Variants in WDR70 observed in about 807,000 individuals in gnomAD.
The protein encoded by WDR70 is WD repeat-containing protein 70.
A neutral mutation model predicts 88.6 loss-of-function variants in WDR70; 53 were observed. The ratio of observed to expected loss-of-function variants is 0.60; its 90% CI spans 0.48 to 0.75. The LOEUF (loss-of-function observed/expected upper bound fraction) is 0.75. Among genes scored for constraint, WDR70 ranks in the 30% least tolerant of loss-of-function variants. WDR70 has a pLI of 0.00. For missense variants in WDR70, 610 were observed against 823.2 expected, an observed-to-expected ratio of 0.74 and a Z score of 3.17; for synonymous variants, 280 against 270.0, an observed-to-expected ratio of 1.04 and a Z score of -0.36.
intron 17 of WDR70, among the ~76,000 whole-genome samples, chr5:37,750,881 G>A (rs1748787591): frequency 1.3e-5 from 2 of 152,150 alleles, no homozygotes. Flanking sequence ...CTAATACAGA[G>A]AATAACACCT....
intron 5 of WDR70, among the ~76,000 whole-genome samples, chr5:37,434,162 G>A (rs1040706350): frequency 6.6e-6 from 1 of 152,088 alleles, no homozygotes; most frequent in African/African-American, 2.4e-5. Flanking sequence ...GACAGAGTGC[G>A]ACATGCAAGC....
At chr5:37,414,936 G>GGCCTTCCT (rs1561843127) in intron 5 of WDR70, among the ~76,000 whole-genome samples, 2 of 146,996 alleles carry the variant, frequency 1.4e-5, no homozygotes, top group African/African-American at 5.4e-5. Context: ...GCGGCCTTCC[G>GGCCTTCCT]CAGTGTTTGT....
chr5:37,528,976 A>AG (rs2112299398), intron 9 of WDR70, among the ~76,000 whole-genome samples: 2 of 21,042 alleles, frequency 9.5e-5, no homozygotes, highest in African/African-American at 1.1e-4. Flanking sequence ...TAAATATTTG[A>AG]TCATTTTGAG....
chr5:37,604,809 C>G (rs1283292119), intron 9 of WDR70, among the ~76,000 whole-genome samples: 1 of 152,108 alleles, frequency 6.6e-6, no homozygotes. Context: ...TAACGTTGAT[C>G]GATTGGAAGT....
At chr5:37,720,987 T>C in intron 13 of WDR70, 128 bp from the exon 14 acceptor site, 1 of 750,908 alleles carries the variant, frequency 1.3e-6, no homozygotes, top group South Asian at 1.8e-5. Flanking sequence ...TAAAAGAAAA[T>C]GTCTGAAAGT....
intron 10 of WDR70, among the ~76,000 whole-genome samples, chr5:37,660,359 A>G (rs1745668471): frequency 6.6e-6 from 1 of 151,982 alleles, no homozygotes; most frequent in Non-Finnish European, 1.5e-5. Flanking sequence ...GCCTATATCT[A>G]TTGATTTTAT....
At chr5:37,531,163 T>C (rs1487729812) in intron 9 of WDR70, among the ~76,000 whole-genome samples, 1 of 152,196 alleles carries the variant, frequency 6.6e-6, no homozygotes, top group Non-Finnish European at 1.5e-5. Context: ...GAGTACTCGA[T>C]ATAATTTTGA....
intron 9 of WDR70, among the ~76,000 whole-genome samples, chr5:37,577,840 T>C (rs527277723): frequency 1.3e-5 from 2 of 152,266 alleles, no homozygotes; most frequent in African/African-American, 2.4e-5. Flanking sequence ...TGGCTGATAG[T>C]TGGAAATGTA....
chr5:37,690,131 A>G (rs922995696), intron 10 of WDR70, among the ~76,000 whole-genome samples: 2 of 152,238 alleles, frequency 1.3e-5, no homozygotes, highest in African/African-American at 4.8e-5. Context: ...GATCGCATTA[A>G]TGAAATAAAG....
chr5:37,654,345 A>G (rs1745492000), intron 10 of WDR70, among the ~76,000 whole-genome samples: 1 of 152,144 alleles, frequency 6.6e-6, no homozygotes, highest in Non-Finnish European at 1.5e-5. Flanking sequence ...GCATTTGCTG[A>G]GGAGTGTTTT....
chr5:37,386,971 C>A (rs148688320), intron 3 of WDR70, among the ~76,000 whole-genome samples: 4 of 151,954 alleles, frequency 2.6e-5, no homozygotes, highest in Non-Finnish European at 4.4e-5. Flanking sequence ...GGGTGGTGGG[C>A]ACCTGTAGTG....
At chr5:37,382,712 C>G (rs1748468811) in intron 3 of WDR70, among the ~76,000 whole-genome samples, 1 of 151,108 alleles carries the variant, frequency 6.6e-6, no homozygotes, top group Non-Finnish European at 1.5e-5. Context: ...CCCAATTTAT[C>G]ATTTTAAGAC....
In WDR70 at chr5:37,506,896, C is replaced by T. The variant is rs116027895; in HGVS notation, c.841-9618C>T. The T allele has an allele frequency of 1.4e-3, 1,396 of 1,023,472 alleles. 18 individuals are homozygous for T. In the African/African-American group the frequency reaches 0.019, roughly 14 times the overall value. 63.4% of individuals were successfully genotyped at this position (1,023,472 alleles called of 1,614,324 possible). On this transcript the variant is annotated intron_variant, in intron 8 of 17. Coordinates refer to ENST00000265107, the MANE Select transcript of WDR70 (RefSeq NM_018034.4). ...GGTGGGTCCTGAGTGAGCCACCACCCTCCCACTTGGTCCTCCTCCCACCTT... is the reference window on the plus strand; with the variant it reads ...GGTGGGTCCTGAGTGAGCCACCACCTTCCCACTTGGTCCTCCTCCCACCTT...
chr5:37,443,588 C>T (rs1738348519), intron 7 of WDR70, among the ~76,000 whole-genome samples: 1 of 152,174 alleles, frequency 6.6e-6, no homozygotes, highest in Non-Finnish European at 1.5e-5. Flanking sequence ...CGCGGTGGCT[C>T]ACACTTGTAA....
intron 3 of WDR70, among the ~76,000 whole-genome samples, chr5:37,383,829 C>T (rs1243025916): frequency 1.3e-5 from 2 of 151,956 alleles, no homozygotes; most frequent in Admixed American, 6.6e-5. Flanking sequence ...GTGATCCACT[C>T]GCCTTGGCCT....
intron 3 of WDR70, among the ~76,000 whole-genome samples, chr5:37,387,182 C>T (rs1011786372): frequency 2.6e-5 from 4 of 151,956 alleles, no homozygotes; most frequent in Non-Finnish European, 4.4e-5. Context: ...CCCAGCCCCA[C>T]AGTCTACTAG....
intron 9 of WDR70, among the ~76,000 whole-genome samples, chr5:37,536,343 C>A (rs1413023394): frequency 6.6e-6 from 1 of 151,892 alleles, no homozygotes; most frequent in Non-Finnish European, 1.5e-5. Flanking sequence ...ATATTTTTTT[C>A]TTAAAGTATG....
intron 10 of WDR70, among the ~76,000 whole-genome samples, chr5:37,672,743 G>C (rs1007775646): frequency 6.6e-6 from 1 of 152,078 alleles, no homozygotes; most frequent in African/African-American, 2.4e-5. Flanking sequence ...ACCAGTGCCG[G>C]TGCAGGTCCT....
intron 13 of WDR70, among the ~76,000 whole-genome samples, chr5:37,711,571 G>T (rs774285448): frequency 1.9e-4 from 29 of 152,166 alleles, no homozygotes; most frequent in Admixed American, 1.4e-3. Flanking sequence ...TTACTGTTCA[G>T]TCTTGTCTTT....
Sources: allele counts gnomAD v4.1 joint callset (sites outside exome capture counted in the v4.1 genomes callset), GRCh38; gene constraint gnomAD v4.1.1; transcripts MANE v1.5; gene names NCBI Gene and HGNC (gene_info 2026-07-23, HGNC 2026-07-21).